The following COL18A1 variants were observed in gnomAD, a reference collection of about 807,000 sequenced individuals.
COL18A1 encodes the protein collagen type XVIII alpha 1 chain, also known as collagen alpha-1(XVIII) chain.
A neutral mutation model predicts 168.0 loss-of-function variants in COL18A1; 133 were observed. The ratio of observed to expected loss-of-function variants is 0.79; its 90% CI spans 0.69 to 0.91. COL18A1 has a LOEUF of 0.91. COL18A1 is among the 40% of genes least tolerant of loss of function. COL18A1 has a pLI of 0.00. For missense variants in COL18A1, 2,126 were observed against 1,925.4 expected, an observed-to-expected ratio of 1.10 and a Z score of -1.95; for synonymous variants, 949 against 809.0, an observed-to-expected ratio of 1.17 and a Z score of -2.94.
At chr21:45,417,172 C>T (rs550378829) in intron 2 of COL18A1, among the ~76,000 whole-genome samples, 105 of 152,260 alleles carry the variant, frequency 6.9e-4, no homozygotes, top group Non-Finnish European at 1.3e-3. Context: ...CCGGAGAGCC[C>T]GCCCAGATTC....
intron 32 of COL18A1, among the ~76,000 whole-genome samples, chr21:45,501,658 C>A (rs1159753602): frequency 1.3e-5 from 2 of 150,418 alleles, no homozygotes; most frequent in Admixed American, 1.3e-4. Flanking sequence ...GGGGCCTCCA[C>A]AGCCGGTCAC....
intron 2 of COL18A1, among the ~76,000 whole-genome samples, chr21:45,411,662 A>C (rs897403951): frequency 3.3e-5 from 5 of 150,560 alleles, no homozygotes; most frequent in Admixed American, 3.3e-4. Flanking sequence ...GAGCAGTCAT[A>C]GGGAACAGTG....
At chr21:45,474,263 G>GTC (rs1491086372) in intron 4 of COL18A1, among the ~76,000 whole-genome samples, 1 of 148,178 alleles carries the variant, frequency 6.7e-6, no homozygotes. Flanking sequence ...GTGTGTGTGT[G>GTC]TCTGTGTCTG....
intron 32 of COL18A1, among the ~76,000 whole-genome samples, chr21:45,499,324 C>G (rs544462712): frequency 1.3e-5 from 2 of 152,360 alleles, no homozygotes; most frequent in South Asian, 2.1e-4. Context: ...TGGGGAGAGA[C>G]AACGCTGGCA....
chr21:45,474,004 G>T (rs1349620616), intron 4 of COL18A1, 23 bp downstream of exon 4: 2 of 1,559,540 alleles, frequency 1.3e-6, no homozygotes, highest in South Asian at 2.3e-5. Context: ...TGGGGCACGG[G>T]TGGGGTCTCC....
Position 45,505,918 on chromosome 21 carries a change from G to A in COL18A1, c.3168G>A (p.Glu1056=). Residue 1056 remains glutamate, a synonymous_variant, in exon 37 of 42, where the codon GAG becomes GAA. Transcript: ENST00000651438. ...AGGGCTGGCTCATCTTCGTGGCCGA[G>A]CAGGAGGAGCTCTACGTCCGCGTGC... ...VPEGWLIFVA[E]QEELYVRVQN... is the part of the protein sequence containing the mutation. 1 of 1,613,182 alleles carries A rather than the reference G, an allele frequency of 6.2e-7. No homozygotes were observed. The highest frequency in any genetic ancestry group is 8.5e-7 in the Non-Finnish European group (1 of 1,179,972).
Position 45,425,361 on chromosome 21 carries a change from TC to T in COL18A1, c.106+19892del, listed in dbSNP as rs796678526. Among the ~76,000 whole-genome samples the T allele has an allele frequency of 6.6e-4, 100 of 152,274 alleles. No homozygotes were observed. The highest frequency in any genetic ancestry group is 1.7e-3 in the African/African-American group (72 of 41,560). ...CGCCTGTCAGAGCCCCAGACTGGGC[TC>T]CCCTGGAGGACCCTGGTGCTGACAC... On this transcript the variant is annotated intron_variant, in intron 2 of 41. Transcript: ENST00000651438. This position sits in a 1 kb window ranked among gnomAD's most constrained non-coding sequence, Gnocchi z 4.1.
chr21:45,466,706 G>C (rs1367369211), intron 2 of COL18A1, among the ~76,000 whole-genome samples: 2 of 152,214 alleles, frequency 1.3e-5, no homozygotes, highest in Non-Finnish European at 2.9e-5. Context: ...GGGCGTTGCT[G>C]TCACTGGGGT....
intron 2 of COL18A1, among the ~76,000 whole-genome samples, chr21:45,446,712 G>A (rs1325614937): frequency 6.6e-6 from 1 of 152,008 alleles, no homozygotes; most frequent in Non-Finnish European, 1.5e-5. Flanking sequence ...AAAGAAAATT[G>A]CAGACTAGTT....
Position 45,505,145 on chromosome 21 carries a change from A to C in COL18A1, c.2880A>C (p.Gly960=). ...RGYPGIPGPK[G]ESIRGQPGPP... ...GTCGCCGTCCGTAGGGTCCCAAGGGAGAGAGCATCCGGGGCCAGCCCGGCC... is the reference window on the plus strand; with the variant it reads ...GTCGCCGTCCGTAGGGTCCCAAGGGCGAGAGCATCCGGGGCCAGCCCGGCC... Residue 960 remains glycine, a synonymous_variant, in exon 35 of 42, where the codon GGA becomes GGC. Transcript: ENST00000651438. 6.2e-7 allele frequency: 1 copy of C among 1,609,520 alleles called. No individual in the cohort carries two copies. Among genetic ancestry groups the C allele is most frequent in the Non-Finnish European group, 8.5e-7 (1 of 1,178,864 alleles).
chr21:45,509,060 C>T (rs1365917843), intron 38 of COL18A1, among the ~76,000 whole-genome samples: 3 of 152,096 alleles, frequency 2.0e-5, no homozygotes, highest in African/African-American at 4.8e-5. Flanking sequence ...GAATTGGAGC[C>T]GCGGCAAAGG....
intron 9 of COL18A1, among the ~76,000 whole-genome samples, chr21:45,478,956 G>T (rs1012757311): frequency 6.6e-6 from 1 of 152,226 alleles, no homozygotes; most frequent in African/African-American, 2.4e-5. Flanking sequence ...CCCACCGAAC[G>T]GTCATTACCG....
At chr21:45,472,314 C>T (rs1296918337) in intron 3 of COL18A1, among the ~76,000 whole-genome samples, 1 of 151,968 alleles carries the variant, frequency 6.6e-6, no homozygotes, top group Non-Finnish European at 1.5e-5. Context: ...AGCTCTGCCT[C>T]CCGGGTTCAC....
chr21:45,467,056 C>T (rs994725787), intron 2 of COL18A1, among the ~76,000 whole-genome samples: 1 of 152,248 alleles, frequency 6.6e-6, no homozygotes, highest in African/African-American at 2.4e-5. Context: ...CCGCTGGCCC[C>T]CAGAGCCCAG....
intron 2 of COL18A1, among the ~76,000 whole-genome samples, chr21:45,406,417 T>C (rs1001631197): frequency 2.6e-5 from 4 of 152,344 alleles, no homozygotes; most frequent in African/African-American, 9.6e-5. Context: ...TTGTTTCCAA[T>C]CGACTTAGTC....
intron 41 of COL18A1, 27 bp from the exon 42 acceptor site, chr21:45,512,161 T>C: frequency 6.3e-7 from 1 of 1,599,736 alleles, no homozygotes; most frequent in Non-Finnish European, 8.5e-7. Context: ...GGTCTGGGTT[T>C]GACTGACGGC....
chr21:45,422,027 C>T (rs992068155), intron 2 of COL18A1, among the ~76,000 whole-genome samples: 2 of 152,152 alleles, frequency 1.3e-5, no homozygotes, highest in Admixed American at 6.5e-5. Context: ...ATGGCTGTCA[C>T]ACACACAGGT....
intron 37 of COL18A1, 116 bp downstream of exon 37, chr21:45,506,082 G>A: frequency 6.6e-7 from 1 of 1,515,368 alleles, no homozygotes; most frequent in East Asian, 2.3e-5. Context: ...GTGGCAGCCA[G>A]CGCTTCTTAA....
intron 2 of COL18A1, among the ~76,000 whole-genome samples, chr21:45,461,035 C>T (rs2035025123): frequency 6.6e-6 from 1 of 152,190 alleles, no homozygotes; most frequent in African/African-American, 2.4e-5. Context: ...GGACATCTAT[C>T]ACTTCAACCA....
Sources: gnomAD v4.1 joint callset for allele counts (sites outside exome capture counted in the v4.1 genomes callset) on GRCh38, gnomAD v4.1.1 for gene constraint, Gnocchi (gnomAD v3.1) non-coding constraint, MANE v1.5 for transcripts, NCBI Gene and HGNC (gene_info 2026-07-23, HGNC 2026-07-21) for gene names.